The following SLC10A2 variants were observed in gnomAD, a reference collection of about 807,000 sequenced individuals.
The protein encoded by SLC10A2 is ileal sodium/bile acid cotransporter.
In SLC10A2, 34 loss-of-function variants were observed where a neutral mutation model predicts 27.1. The observed-to-expected ratio is 1.26, with a 90% CI of 0.96 to 1.67. The LOEUF is 1.67. Ranked by LOEUF, SLC10A2 falls within the 40% of genes most tolerant of loss-of-function variation. SLC10A2 has a pLI of 0.00. For missense variants in SLC10A2, 530 were observed against 444.4 expected (o/e 1.19, Z -1.73); for synonymous variants, 205 against 174.0 (o/e 1.18, Z -1.40).
rs201728589 is a variant in SLC10A2 at position 103,044,442 on chromosome 13, C to A, written c.*1691G>T. The A allele has an allele frequency of 1.3e-5, 2 of 152,150 alleles. No individual in the cohort carries two copies. Among genetic ancestry groups the A allele is most frequent in the Non-Finnish European group, 2.9e-5 (2 of 68,030 alleles). The allele number at this position is 152,150 out of a possible 1,614,324, so 9.4% of individuals were successfully genotyped here. On this transcript the variant is annotated 3_prime_UTR_variant, in exon 6 of 6. Coordinates refer to ENST00000245312, the MANE Select transcript of SLC10A2 (RefSeq NM_000452.3). The stretch of plus-strand genomic sequence containing the variant: ...TTGGGAGCATATTCTCTGACACTCT[C>A]TAAGAAGGAAGTCTGTACCCCCTCT...
Position 103,065,951 on chromosome 13 carries a change from A to C in SLC10A2, c.299T>G (p.Val100Gly), listed in dbSNP as rs138949597. 3.1e-6 allele frequency: 5 copies of C among 1,614,082 alleles called. No individual in the cohort carries two copies. The highest frequency in any genetic ancestry group is 1.7e-5 in the Admixed American group (1 of 60,010). ...FDILPLQAVV[V>G]LIIGCCPGGT... ...TCCAGGGCAGCATCCTATAATGAGC[A>C]CCACTACGGCCTGGAGCGGGAGGAT... The change falls in exon 1 of 6, where the codon GTG (valine) becomes GGG (glycine). Residue 100 changes from valine to glycine, a missense_variant. Val to Gly is a moderately radical substitution (Grantham distance 109). Coordinates refer to ENST00000245312, the MANE Select transcript of SLC10A2 (RefSeq NM_000452.3).
Position 103,051,430 on chromosome 13 carries a change from A to G in SLC10A2, c.588T>C (p.Ile196=), listed in dbSNP as rs1875778757. Residue 196 remains isoleucine (I), a splice_region_variant and synonymous_variant, in exon 4 of 6, where the codon ATT becomes ATC. Transcript: ENST00000245312. ...WPQKAKIILK[I]GSIAGAILIV... ...TGAGGATGGCGCCCGCGATGGACCC[A>G]ATCTGAAAAAAAAAGGAATAAGTGA... is the stretch of plus-strand genomic sequence containing the variant. The G allele has an allele frequency of 1.2e-6, 2 of 1,613,778 alleles. No individual in the cohort carries two copies. The highest frequency in any genetic ancestry group is 2.2e-5 in the South Asian group (2 of 91,082).
rs200576337 is a variant in SLC10A2 at position 103,049,414 on chromosome 13, T to C, written c.794A>G (p.Gln265Arg). 7 of 1,613,936 alleles carry C rather than the reference T, an allele frequency of 4.3e-6. No individual in the cohort carries two copies. Among genetic ancestry groups the C allele is most frequent in the Non-Finnish European group, 5.9e-6 (7 of 1,179,942 alleles). Residue 265 changes from glutamine (Q) to arginine (R), a missense_variant, in exon 5 of 6, where the codon CAG (glutamine) becomes CGG (arginine). Physicochemically the swap from Gln to Arg is conservative, Grantham distance 43. Transcript: ENST00000245312. ...CRTVAFETGM[Q>R]NTQLCSTIVQ... ...GATGGTGGAACATAGCTGCGTGTTCTGCATCCCCGTTTCAAAAGCAACCGT... is the reference window on the plus strand; with the variant it reads ...GATGGTGGAACATAGCTGCGTGTTCCGCATCCCCGTTTCAAAAGCAACCGT...
At position 103,051,343 on chromosome 13, in the gene SLC10A2, T is replaced by A; in HGVS notation, c.675A>T (p.Lys225Asn). ...LYQSAWIIAP[K>N]LWIIGTIFPV... is the part of the protein sequence containing the mutation. Reference sequence around the variant, plus strand: ...GAAATATTGTTCCTATAATCCACAGTTTGGGAGCAATGATCCAGGCGCTTT... The same window carrying A: ...GAAATATTGTTCCTATAATCCACAGATTGGGAGCAATGATCCAGGCGCTTT... The change falls in exon 4 of 6, where the codon AAA becomes AAT. Residue 225 changes from lysine to asparagine, a missense_variant. Physicochemically the swap from Lys to Asn is moderately conservative, Grantham distance 94. Coordinates refer to ENST00000245312, the MANE Select transcript of SLC10A2 (RefSeq NM_000452.3). 3.7e-6 allele frequency: 6 copies of A among 1,614,020 alleles called. No homozygotes were observed. The highest frequency in any genetic ancestry group is 5.1e-6 in the Non-Finnish European group (6 of 1,179,976).
At chr13:103,062,147 T>C (rs1876141554) in intron 1 of SLC10A2, among the ~76,000 whole-genome samples, 1 of 152,252 alleles carries the variant, frequency 6.6e-6, no homozygotes, top group Non-Finnish European at 1.5e-5. Flanking sequence ...TGTTAAGCAA[T>C]GTAAAAGATT....
intron 2 of SLC10A2, among the ~76,000 whole-genome samples, chr13:103,054,997 C>G (rs1034590196): frequency 5.3e-5 from 8 of 152,030 alleles, no homozygotes; most frequent in African/African-American, 1.9e-4. Flanking sequence ...CAGTAGATAT[C>G]AGAGGAAAGA....
chr13:103,057,775 A>G (rs1482887785), intron 2 of SLC10A2, among the ~76,000 whole-genome samples: 1 of 151,952 alleles, frequency 6.6e-6, no homozygotes, highest in Admixed American at 6.6e-5. Flanking sequence ...GCTACTAGGG[A>G]GGCTGAGGCA....
At chr13:103,053,230 T>G (rs1875842477) in intron 2 of SLC10A2, among the ~76,000 whole-genome samples, 1 of 152,118 alleles carries the variant, frequency 6.6e-6, no homozygotes, top group African/African-American at 2.4e-5. Context: ...TGTCCAAAAT[T>G]AGCTCAAGAT....
intron 1 of SLC10A2, among the ~76,000 whole-genome samples, chr13:103,063,629 A>G (rs1157432259): frequency 6.6e-6 from 1 of 152,278 alleles, no homozygotes; most frequent in Non-Finnish European, 1.5e-5. Flanking sequence ...GTATTAAAGA[A>G]ATATTGGAAT....
At chr13:103,061,160 A>G (rs1876106059) in intron 1 of SLC10A2, among the ~76,000 whole-genome samples, 1 of 151,900 alleles carries the variant, frequency 6.6e-6, no homozygotes, top group Non-Finnish European at 1.5e-5. Context: ...TAAGCAGTTC[A>G]ATCTATTCTG....
At position 103,066,011 on chromosome 13, in the gene SLC10A2, G is replaced by T. The variant is rs886443246; in HGVS notation, c.239C>A (p.Pro80His). Reference protein sequence around the residue: ...VGFLCQFGIMPLTGFILSVAF... With the variant: ...VGFLCQFGIMHLTGFILSVAF... ...CACCGACAGGATGAATCCTGTGAGGGGCATGATTCCAAACTGACAGAGGAA... is the reference window on the plus strand; with the variant it reads ...CACCGACAGGATGAATCCTGTGAGGTGCATGATTCCAAACTGACAGAGGAA... Residue 80 changes from proline (P) to histidine (H), a missense_variant, in exon 1 of 6, where the codon CCC becomes CAC. Physicochemically the swap from Pro to His is moderately conservative, Grantham distance 77 (BLOSUM62 -2). Coordinates refer to ENST00000245312, the MANE Select transcript of SLC10A2 (RefSeq NM_000452.3). 3.5e-5 allele frequency: 57 copies of T among 1,613,836 alleles called. No homozygotes were observed. The highest frequency in any genetic ancestry group is 4.8e-5 in the Non-Finnish European group (57 of 1,179,938).
intron 4 of SLC10A2, among the ~76,000 whole-genome samples, chr13:103,050,690 G>T (rs1483821658): frequency 1.3e-5 from 2 of 152,178 alleles, no homozygotes; most frequent in African/African-American, 2.4e-5. Context: ...TCTTTCTGGG[G>T]ACTTGCATGA....
intron 5 of SLC10A2, 147 bp from the exon 6 acceptor site, chr13:103,046,407 T>C (rs1875613049): frequency 1.5e-6 from 1 of 685,500 alleles, no homozygotes; most frequent in Non-Finnish European, 2.5e-6. Context: ...TCACCATTCT[T>C]AGTTCTATGG....
At chr13:103,055,598 G>C (rs989209976) in intron 2 of SLC10A2, among the ~76,000 whole-genome samples, 2 of 152,160 alleles carry the variant, frequency 1.3e-5, no homozygotes, top group African/African-American at 4.8e-5. Flanking sequence ...AGGTGAGCTT[G>C]GAGGCCTGGG....
At chr13:103,065,117 T>C (rs776078898) in intron 1 of SLC10A2, among the ~76,000 whole-genome samples, 7 of 152,264 alleles carry the variant, frequency 4.6e-5, no homozygotes, top group African/African-American at 1.4e-4. Flanking sequence ...ATTCAACTTT[T>C]AGCATTAAAT....
At chr13:103,063,666 A>C (rs1007107308) in intron 1 of SLC10A2, among the ~76,000 whole-genome samples, 2 of 152,228 alleles carry the variant, frequency 1.3e-5, no homozygotes, top group Non-Finnish European at 1.5e-5. Flanking sequence ...ACAATGCATA[A>C]TGTCATCATC....
At chr13:103,051,221 A>G (rs2138913928) in intron 4 of SLC10A2, 36 bp downstream of exon 4, 1 of 1,606,218 alleles carries the variant, frequency 6.2e-7, no homozygotes, top group Non-Finnish European at 8.5e-7. Flanking sequence ...GATATTACAG[A>G]TTAAAATTCC....
At chr13:103,049,478 A>G (rs777154046) in intron 4 of SLC10A2, 32 bp from the exon 5 acceptor site, 2 of 1,612,474 alleles carry the variant, frequency 1.2e-6, no homozygotes, top group Non-Finnish European at 1.7e-6. Flanking sequence ...CACATGTTTT[A>G]GTAGTTTTGT....
chr13:103,059,326 T>G (rs1876032836), intron 1 of SLC10A2, among the ~76,000 whole-genome samples: 1 of 152,246 alleles, frequency 6.6e-6, no homozygotes, highest in South Asian at 2.1e-4. Flanking sequence ...TCTTGGAATC[T>G]AATTAAACTA....
Sources: gnomAD v4.1 joint callset for allele counts (sites outside exome capture counted in the v4.1 genomes callset) on GRCh38, gnomAD v4.1.1 for gene constraint, MANE v1.5 for transcripts, NCBI Gene and HGNC (gene_info 2026-07-23, HGNC 2026-07-21) for gene names.